The following NPY2R variants were observed in gnomAD, a reference collection of about 807,000 sequenced individuals.
NPY2R encodes the protein neuropeptide Y receptor Y2.
Under a neutral mutation model 22.3 loss-of-function variants are expected in NPY2R, and 17 were observed. That is an observed-to-expected ratio of 0.76 (90% CI 0.52 to 1.14). The LOEUF is 1.14. Among genes scored for constraint, NPY2R ranks in the 50% most tolerant of loss-of-function variants. The pLI, the probability that NPY2R is intolerant of heterozygous loss-of-function variation, is 0.00. For missense variants in NPY2R, 424 were observed against 467.9 expected (o/e 0.91, Z 0.87); for synonymous variants, 209 against 183.4 (o/e 1.14, Z -1.13).
chr4:155,187,407 G>A, the NPY2R span, among the ~76,000 whole-genome samples: 1,161 of 152,224 alleles, frequency 7.6e-3, 20 homozygotes, highest in African/African-American at 0.027. Flanking sequence ...CATTGTCGCC[G>A]TTATTGAGGA....
At chr4:155,207,921 C>T (rs968571762), upstream of NPY2R, 1 of 152,284 alleles carries the variant, frequency 6.6e-6, no homozygotes, top group Non-Finnish European at 1.5e-5. Context: ...ACACAGGTTC[C>T]TGGCTATCGA....
chr4:155,191,819 G>A, the NPY2R span, among the ~76,000 whole-genome samples: 6 of 151,924 alleles, frequency 3.9e-5, no homozygotes, highest in South Asian at 1.2e-3. Context: ...TAGACTTTAA[G>A]CCCTTTGGAG....
chr4:155,207,451 C>G (rs1729305458), upstream of NPY2R: 1 of 152,104 alleles, frequency 6.6e-6, no homozygotes, highest in Non-Finnish European at 1.5e-5. Flanking sequence ...GCAAAGCCTC[C>G]GAAGAGGATG....
chr4:155,210,596 A>C (rs1382627157), intron 1 of NPY2R, among the ~76,000 whole-genome samples: 1 of 152,218 alleles, frequency 6.6e-6, no homozygotes, highest in Admixed American at 6.5e-5. Context: ...GCTATCAAAC[A>C]TACACTCCAA....
At chr4:155,174,279 T>C in the NPY2R span, 1 of 151,768 alleles carries the variant, frequency 6.6e-6, no homozygotes, top group South Asian at 2.1e-4. Context: ...AAAGTGTATA[T>C]ACCAGGTACT....
the NPY2R span, among the ~76,000 whole-genome samples, chr4:155,181,009 C>T: frequency 1.3e-5 from 2 of 151,818 alleles, no homozygotes; most frequent in Admixed American, 1.3e-4. Flanking sequence ...AAGTTGAAGA[C>T]ATAAACAAAT....
At chr4:155,174,484 A>ATATATATTTT in the NPY2R span, among the ~76,000 whole-genome samples, 17 of 106,120 alleles carry the variant, frequency 1.6e-4, no homozygotes, top group Non-Finnish European at 2.3e-4. Flanking sequence ...ATATATATAT[A>ATATATATTTT]TTTTTTTTTT....
chr4:155,180,001 ATATTT>A, the NPY2R span, among the ~76,000 whole-genome samples: 1 of 117,668 alleles, frequency 8.5e-6, no homozygotes, highest in Non-Finnish European at 1.7e-5. Flanking sequence ...AGTTTTTTCT[ATATTT>A]TATTTTGTTT....
rs142772765 is a variant in NPY2R, at chr4:155,214,119, C to T, written c.180C>T (p.Ile60=). 6.2e-7 allele frequency: 1 copy of T among 1,613,940 alleles called. No individual in the cohort carries two copies. Among genetic ancestry groups the T allele is most frequent in the Non-Finnish European group, 8.5e-7 (1 of 1,179,776 alleles). ...TTCTCATATTGGCCTACTGCTCCAT[C>T]ATCTTGCTTGGGGTAATTGGCAACT... The part of the protein sequence containing the change: ...QVVLILAYCS[I]ILLGVIGNSL... The change falls in exon 2 of 2, where the codon ATC becomes ATT. Residue 60 remains isoleucine (I), a synonymous_variant. Coordinates refer to ENST00000329476, the MANE Select transcript of NPY2R (RefSeq NM_000910.4).
At chr4:155,189,801 C>T in the NPY2R span, among the ~76,000 whole-genome samples, 3 of 151,848 alleles carry the variant, frequency 2.0e-5, no homozygotes, top group Non-Finnish European at 4.4e-5. Context: ...ATAATATAGG[C>T]GGCTTTCATT....
chr4:155,205,071 C>T (rs532089085), upstream of NPY2R, among the ~76,000 whole-genome samples: 2 of 152,286 alleles, frequency 1.3e-5, no homozygotes, highest in South Asian at 4.1e-4. Flanking sequence ...CTGTGCAGTT[C>T]AAACTGTGCT....
intron 1 of NPY2R, among the ~76,000 whole-genome samples, chr4:155,212,395 T>C (rs1332338575): frequency 3.9e-5 from 6 of 151,996 alleles, no homozygotes; most frequent in African/African-American, 1.5e-4. Context: ...ATGATCACAT[T>C]TGAATTTCAG....
At chr4:155,187,818 T>C in the NPY2R span, among the ~76,000 whole-genome samples, 1 of 152,176 alleles carries the variant, frequency 6.6e-6, no homozygotes, top group African/African-American at 2.4e-5. Flanking sequence ...AATAAGATTG[T>C]CAATGTAGTT....
chr4:155,214,211 A>G lies in NPY2R; in HGVS notation c.272A>G (p.Asn91Ser). ...MRTVTNFFIA[N>S]LAVADLLVNT... ...ACAGTAACCAACTTTTTCATTGCCAATCTGGCTGTGGCAGATCTTTTGGTG... is the reference window on the plus strand; with the variant it reads ...ACAGTAACCAACTTTTTCATTGCCAGTCTGGCTGTGGCAGATCTTTTGGTG... The change falls in exon 2 of 2, where the codon AAT becomes AGT. Residue 91 changes from asparagine (N) to serine (S), a missense_variant. Asn to Ser is a conservative substitution (Grantham distance 46). Coordinates refer to ENST00000329476, the MANE Select transcript of NPY2R (RefSeq NM_000910.4). The G allele has an allele frequency of 1.2e-6, 2 of 1,614,154 alleles. No homozygotes were observed. Among genetic ancestry groups the G allele is most frequent in the Non-Finnish European group, 1.7e-6 (2 of 1,180,020 alleles).
rs1729502056 is a variant in NPY2R, at chr4:155,215,704, C to T, written c.*619C>T. 1 of 168,762 alleles carries T rather than the reference C, an allele frequency of 5.9e-6. No individual in the cohort carries two copies. Among genetic ancestry groups the T allele is most frequent in the African/African-American group, 2.4e-5 (1 of 41,462 alleles). 10.5% of individuals were successfully genotyped at this position (168,762 alleles called of 1,614,324 possible). Reference sequence around the variant, plus strand: ...GGCAGATGATAGGGGAACTCCTCAACACTCAGTGGGCCAATTGTTCTTAAA... The same window carrying T: ...GGCAGATGATAGGGGAACTCCTCAATACTCAGTGGGCCAATTGTTCTTAAA... On this transcript the variant is annotated 3_prime_UTR_variant, in exon 2 of 2. Transcript: ENST00000329476.
rs1454933009 is a variant in NPY2R, at chr4:155,216,039, A to G, written c.*954A>G. On this transcript the variant is annotated 3_prime_UTR_variant, in exon 2 of 2. Transcript: ENST00000329476. The stretch of plus-strand genomic sequence containing the variant: ...ATTTACAAGCTATTTTTGCACAGGT[A>G]CATAGCTCTCATGTATTTAAAGAAC... 6.0e-6 allele frequency: 1 copy of G among 167,030 alleles called. No individual in the cohort carries two copies. The highest frequency in any genetic ancestry group is 1.9e-4 in the East Asian group (1 of 5,194). 10.3% of individuals were successfully genotyped at this position (167,030 alleles called of 1,614,324 possible).
In NPY2R at chr4:155,214,407, A is replaced by G. The variant is rs1729467837; in HGVS notation, c.468A>G (p.Leu156=). The part of the protein sequence containing the change: ...LDRHRCIVYH[L]ESKISKRISF... Reference sequence around the variant, plus strand: ...GGCACAGGTGCATCGTCTACCACCTAGAGAGCAAGATCTCCAAGCGAATCA... The same window carrying G: ...GGCACAGGTGCATCGTCTACCACCTGGAGAGCAAGATCTCCAAGCGAATCA... Residue 156 remains leucine, a synonymous_variant, in exon 2 of 2, where the codon CTA becomes CTG. Transcript: ENST00000329476. The G allele has an allele frequency of 6.2e-7, 1 of 1,614,004 alleles. No homozygotes were observed. The highest frequency in any genetic ancestry group is 1.1e-5 in the South Asian group (1 of 91,078).
At chr4:155,187,743 T>G in the NPY2R span, among the ~76,000 whole-genome samples, 2 of 151,960 alleles carry the variant, frequency 1.3e-5, no homozygotes, top group African/African-American at 4.8e-5. Context: ...GATGAAAGAG[T>G]AAAATGGTAA....
chr4:155,182,226 G>A, the NPY2R span, among the ~76,000 whole-genome samples: 71,242 of 151,800 alleles, frequency 0.47, 17,437 homozygotes, highest in East Asian at 0.69. Flanking sequence ...AAGGAAAAGC[G>A]TTTTTAAAAC....
Sources: gnomAD v4.1 joint callset for allele counts (sites outside exome capture counted in the v4.1 genomes callset) on GRCh38, gnomAD v4.1.1 for gene constraint, MANE v1.5 for transcripts, NCBI Gene and HGNC (gene_info 2026-07-23, HGNC 2026-07-21) for gene names.